Variants in AFF2 observed in about 807,000 individuals in gnomAD.
AFF2 encodes the protein ALF transcription elongation factor 2, also known as AF4/FMR2 family member 2.
AFF2 carries 14 observed loss-of-function variants against 76.9 expected under a neutral mutation model. The observed-to-expected ratio is 0.18, with a 90% CI of 0.12 to 0.28. The LOEUF (loss-of-function observed/expected upper bound fraction) is 0.28. Among genes scored for constraint, AFF2 ranks in the 10% least tolerant of loss-of-function variants. AFF2 has a pLI of 1.00. For missense variants in AFF2, 868 were observed against 1,001.1 expected, an observed-to-expected ratio of 0.87 and a Z score of 1.79; for synonymous variants, 398 against 366.7, an observed-to-expected ratio of 1.09 and a Z score of -0.98.
Position 148,570,836 on chromosome X carries a change from T to C in AFF2, c.47+69692T>C, listed in dbSNP as rs1452179488. Among the ~76,000 whole-genome samples the C allele has an allele frequency of 3.6e-5, 4 of 110,961 alleles. No individual in the cohort carries two copies. In the Admixed American group the frequency reaches 3.8e-4, roughly 11 times the overall value. ...GATTGTTGATCCATCGCTCCAATCC[T>C]CCACCTTTACATGGCCATCTTCTTC... On this transcript the variant is annotated intron_variant, in intron 1 of 20. Coordinates refer to ENST00000370460, the MANE Select transcript of AFF2 (RefSeq NM_002025.4).
intron 2 of AFF2, among the ~76,000 whole-genome samples, chrX:148,656,650 C>T (rs1216065217): frequency 9.5e-6 from 1 of 105,808 alleles, no homozygotes; most frequent in Non-Finnish European, 1.9e-5. Flanking sequence ...CAGGCGCCCG[C>T]CACTACGCCC....
rs2072623889 is a variant in AFF2, at chrX:148,997,848, T to G, written c.*6516T>G. On this transcript the variant is annotated 3_prime_UTR_variant, in exon 21 of 21. Coordinates refer to ENST00000370460, the MANE Select transcript of AFF2 (RefSeq NM_002025.4). Reference sequence around the variant, plus strand: ...AAACCATCCTCACTAATCAATCATATTCACCCATAAATATTACAAATGAGA... The same window carrying G: ...AAACCATCCTCACTAATCAATCATAGTCACCCATAAATATTACAAATGAGA... 1 of 112,302 alleles carries G rather than the reference T, an allele frequency of 8.9e-6. No homozygotes were observed. Among genetic ancestry groups the G allele is most frequent in the South Asian group, 3.7e-4 (1 of 2,708 alleles). The allele number at this position is 112,302 out of a possible 1,213,427, so 9.3% of individuals were successfully genotyped here. A position where few individuals can be genotyped will look rare whatever the true frequency, so the allele number is the denominator to read the frequency against.
chrX:148,809,361 T>G (rs2070175412), intron 3 of AFF2, among the ~76,000 whole-genome samples: 1 of 112,039 alleles, frequency 8.9e-6, no homozygotes, highest in Non-Finnish European at 1.9e-5. Context: ...CATCATGGGA[T>G]TCACTGAGTA....
intron 1 of AFF2, among the ~76,000 whole-genome samples, chrX:148,513,458 C>T (rs1046387179): frequency 2.7e-5 from 3 of 111,510 alleles, no homozygotes; most frequent in Admixed American, 9.6e-5. Flanking sequence ...TAATGGAGGA[C>T]GGAAAGGTGA....
At chrX:148,890,722 C>T (rs1313105608) in intron 8 of AFF2, among the ~76,000 whole-genome samples, 1 of 111,952 alleles carries the variant, frequency 8.9e-6, no homozygotes, top group Non-Finnish European at 1.9e-5. Context: ...AGAGTTGATT[C>T]ATACCCTTCT....
At chrX:148,852,675 C>T in intron 7 of AFF2, among the ~76,000 whole-genome samples, 1 of 111,225 alleles carries the variant, frequency 9.0e-6, no homozygotes, top group Non-Finnish European at 1.9e-5. Context: ...ATATACCTGG[C>T]ACCATGAAAT....
At chrX:148,916,500 G>A (rs374147611) in intron 9 of AFF2, among the ~76,000 whole-genome samples, 1 of 110,449 alleles carries the variant, frequency 9.1e-6, no homozygotes, top group East Asian at 2.8e-4. Flanking sequence ...TTGAGCCACC[G>A]TGCCCGGCCG....
chrX:148,640,811 C>A (rs1286345626), intron 1 of AFF2, among the ~76,000 whole-genome samples: 1 of 112,162 alleles, frequency 8.9e-6, no homozygotes, highest in Non-Finnish European at 1.9e-5. Flanking sequence ...TTTCCAGCTT[C>A]CCCAAGGCGT....
intron 3 of AFF2, among the ~76,000 whole-genome samples, chrX:148,730,820 A>G (rs2055211546): frequency 8.9e-6 from 1 of 112,435 alleles, no homozygotes. Flanking sequence ...CCCCATTGCC[A>G]GTGCAGCTTT....
At chrX:148,533,147 G>A (rs1454539867) in intron 1 of AFF2, among the ~76,000 whole-genome samples, 1 of 111,643 alleles carries the variant, frequency 9.0e-6, no homozygotes, top group African/African-American at 3.3e-5. Flanking sequence ...GCACATTGAT[G>A]CAATAATTAT....
At chrX:148,989,429 A>G (rs1305886158) in intron 20 of AFF2, among the ~76,000 whole-genome samples, 1 of 112,352 alleles carries the variant, frequency 8.9e-6, no homozygotes, top group Non-Finnish European at 1.9e-5. Context: ...AAGAGTTGCT[A>G]AATTCCCTGT....
At chrX:148,774,386 C>T (rs782387660) in intron 3 of AFF2, among the ~76,000 whole-genome samples, 3 of 111,515 alleles carry the variant, frequency 2.7e-5, no homozygotes, top group African/African-American at 6.5e-5. Context: ...CACAGACTGA[C>T]GTGGAAGAAA....
At chrX:148,881,157 T>C (rs1235566368) in intron 7 of AFF2, among the ~76,000 whole-genome samples, 1 of 111,837 alleles carries the variant, frequency 8.9e-6, no homozygotes, top group Admixed American at 9.4e-5. Flanking sequence ...AGGAACACCA[T>C]TTTGTAGTTC....
intron 9 of AFF2, among the ~76,000 whole-genome samples, chrX:148,929,593 C>T (rs782785243): frequency 1.8e-5 from 2 of 111,784 alleles, no homozygotes; most frequent in African/African-American, 6.5e-5. Context: ...TTTCTGAGAC[C>T]AGACGAAAAT....
chrX:148,822,866 G>A (rs1486751627), intron 4 of AFF2, among the ~76,000 whole-genome samples: 2 of 111,114 alleles, frequency 1.8e-5, no homozygotes, highest in African/African-American at 3.3e-5. Flanking sequence ...ACTGGAAATT[G>A]CAGAATCATA....
chrX:148,978,129 A>G (rs2072348883), intron 17 of AFF2, 125 bp downstream of exon 17: 1 of 533,995 alleles, frequency 1.9e-6, no homozygotes, highest in Admixed American at 3.1e-5. Flanking sequence ...ATTAAAGGAT[A>G]ACTAATGGAT....
At chrX:148,980,158 C>G (rs1443308284) in intron 18 of AFF2, among the ~76,000 whole-genome samples, 1 of 112,304 alleles carries the variant, frequency 8.9e-6, no homozygotes, top group Admixed American at 9.4e-5. Flanking sequence ...ATCAGAGGAA[C>G]AAAGGCATAT....
chrX:148,741,060 T>A (rs182078939), intron 3 of AFF2, among the ~76,000 whole-genome samples: 1 of 111,528 alleles, frequency 9.0e-6, no homozygotes, highest in Non-Finnish European at 1.9e-5. Flanking sequence ...TGATGGAGGG[T>A]GCAATGGACT....
chrX:148,509,651 T>C (rs2052461303), intron 1 of AFF2, among the ~76,000 whole-genome samples: 1 of 112,598 alleles, frequency 8.9e-6, no homozygotes, highest in Non-Finnish European at 1.9e-5. Context: ...AAGAAGGGTA[T>C]ACTGTAGCTC....
Sources: allele counts gnomAD v4.1 joint callset (sites outside exome capture counted in the v4.1 genomes callset), GRCh38; gene constraint gnomAD v4.1.1; transcripts MANE v1.5; gene names NCBI Gene and HGNC (gene_info 2026-07-23, HGNC 2026-07-21).